Variants in PDCD6 observed in about 807,000 individuals in gnomAD.
The protein encoded by PDCD6 is programmed cell death protein 6.
Under a neutral mutation model 28.3 loss-of-function variants are expected in PDCD6, and 12 were observed. That is an observed-to-expected ratio of 0.42 (90% CI 0.27 to 0.69). The LOEUF (loss-of-function observed/expected upper bound fraction) is 0.69. Among genes scored for constraint, PDCD6 ranks in the 30% least tolerant of loss-of-function variants. The probability of loss-of-function intolerance (pLI) is 0.22; values close to 1 mark genes in which losing one functional copy is unlikely to be tolerated. For synonymous variants in PDCD6, 92 were observed against 108.0 expected, an observed-to-expected ratio of 0.85 and a Z score of 0.92; for missense variants, 226 against 269.9, an observed-to-expected ratio of 0.84 and a Z score of 1.14.
rs1468890202 is a variant in PDCD6, at chr5:305,241, G to A, written c.208+1020G>A. The A allele has an allele frequency of 6.6e-6, 1 of 152,140 alleles. No individual in the cohort carries two copies. Among genetic ancestry groups the A allele is most frequent in the Admixed American group, 6.5e-5 (1 of 15,276 alleles). The allele number at this position is 152,140 out of a possible 1,614,324, so 9.4% of individuals were successfully genotyped here. A position where few individuals can be genotyped will look rare whatever the true frequency, so the allele number is the denominator to read the frequency against. ...TCCCAGGTTCAGTTCTGCCTCACAG[G>A]GACCATGGCATTGTGTCTCGAGGTT... On this transcript the variant is annotated intron_variant, in intron 3 of 5. Transcript: ENST00000264933. The surrounding 1 kb of genome is among the most constrained non-coding windows in gnomAD (Gnocchi z 4.0).
chr5:280,131 C>A (rs1738474010), intron 2 of PDCD6, among the ~76,000 whole-genome samples: 2 of 151,604 alleles, frequency 1.3e-5, no homozygotes, highest in African/African-American at 4.8e-5. Context: ...GAGAGGACAC[C>A]ATGTGTTCAT....
chr5:302,070 CTGTG>C (rs369323059), intron 2 of PDCD6, among the ~76,000 whole-genome samples: 4,855 of 57,476 alleles, frequency 0.084, 546 homozygotes, highest in African/African-American at 0.25. Flanking sequence ...GAGTGCTGCT[CTGTG>C]TGTGTGTGTG....
chr5:271,846 C>A (rs561356594), intron 1 of PDCD6, 25 bp downstream of exon 1: 33 of 1,285,758 alleles, frequency 2.6e-5, no homozygotes, highest in Middle Eastern at 2.9e-4. Context: ...CGCCCGGGCA[C>A]CTCCCGCCTC....
chr5:307,352 CGT>C lies in PDCD6; in HGVS notation c.367+600_367+601del, dbSNP rs1319711898. 9.6e-6 allele frequency among the ~76,000 whole-genome samples: 1 copy of C among 103,698 alleles called. No individual in the cohort carries two copies. Among genetic ancestry groups the C allele is most frequent in the Non-Finnish European group, 2.0e-5 (1 of 50,062 alleles). 68.0% of individuals were successfully genotyped at this position (103,698 alleles called of 152,430 possible). A position where few individuals can be genotyped will look rare whatever the true frequency, so the allele number is the denominator to read the frequency against. ...GTGTGCTCGGCGTGTGTGTGCTCGGCGTGTGTGTGCACACGTGTGCCGTGCGC... is the reference window on the plus strand; with the variant it reads ...GTGTGCTCGGCGTGTGTGTGCTCGGCGTGTGTGCACACGTGTGCCGTGCGC... On this transcript the variant is annotated intron_variant, in intron 4 of 5. Transcript: ENST00000264933. This position sits in a 1 kb window ranked among gnomAD's most constrained non-coding sequence, Gnocchi z 6.1.
chr5:281,491 G>T (rs60381733), intron 2 of PDCD6, among the ~76,000 whole-genome samples: 1,721 of 152,320 alleles, frequency 0.011, 26 homozygotes, highest in African/African-American at 0.039. Flanking sequence ...TGGCTGTTCT[G>T]TGAGGGTCGT....
At chr5:303,754 G>A (rs1218603794) in intron 2 of PDCD6, among the ~76,000 whole-genome samples, 1 of 149,390 alleles carries the variant, frequency 6.7e-6, no homozygotes. Flanking sequence ...GCAGGCAGTG[G>A]TGGCCTTGAT....
At chr5:290,026 G>A in intron 2 of PDCD6, 1 of 1,597,750 alleles carries the variant, frequency 6.3e-7, no homozygotes, top group South Asian at 1.1e-5. Context: ...TCGCTGAATA[G>A]TAAAAGGGAT....
At chr5:298,081 A>G (rs1405779369) in intron 2 of PDCD6, among the ~76,000 whole-genome samples, 1 of 152,130 alleles carries the variant, frequency 6.6e-6, no homozygotes, top group Non-Finnish European at 1.5e-5. Flanking sequence ...TCTGCTATCG[A>G]TATCAGGGAG....
At chr5:300,912 C>G (rs931364668) in intron 2 of PDCD6, among the ~76,000 whole-genome samples, 3 of 152,190 alleles carry the variant, frequency 2.0e-5, no homozygotes, top group African/African-American at 7.2e-5. Flanking sequence ...CCTCCTGGGC[C>G]CCAGCTCTCA....
Position 305,823 on chromosome 5 carries a change from C to T in PDCD6, c.209-779C>T, listed in dbSNP as rs111462049. On this transcript the variant is annotated intron_variant, in intron 3 of 5. Transcript: ENST00000264933. This position sits in a 1 kb window ranked among gnomAD's most constrained non-coding sequence, Gnocchi z 4.0. Reference sequence around the variant, plus strand: ...GTTGTGGACTGTTGGGAAGAAACATCGATGCTGTTTCTCACATGATTTTTC... The same window carrying T: ...GTTGTGGACTGTTGGGAAGAAACATTGATGCTGTTTCTCACATGATTTTTC... 6.6e-6 allele frequency: 1 copy of T among 152,198 alleles called. No individual in the cohort carries two copies. Among genetic ancestry groups the T allele is most frequent in the Admixed American group, 6.5e-5 (1 of 15,276 alleles). 9.4% of individuals were successfully genotyped at this position (152,198 alleles called of 1,614,324 possible).
rs375248382 is a variant in PDCD6 at position 271,675 on chromosome 5, T to G, written c.-46T>G. 1.8e-6 allele frequency: 2 copies of G among 1,129,798 alleles called. No homozygotes were observed. The highest frequency in any genetic ancestry group is 2.6e-6 in the Non-Finnish European group (2 of 779,370). 70.0% of individuals were successfully genotyped at this position (1,129,798 alleles called of 1,614,324 possible). Reference sequence around the variant, plus strand: ...GCGGAAGCGGAGTCGGCCTGAGAGGTCTCTCGTCGCTGCAGGCGCCTCAGC... The same window carrying G: ...GCGGAAGCGGAGTCGGCCTGAGAGGGCTCTCGTCGCTGCAGGCGCCTCAGC... On this transcript the variant is annotated 5_prime_UTR_variant, in exon 1 of 6. Transcript: ENST00000264933.
At chr5:282,273 G>C (rs1216747804) in intron 2 of PDCD6, among the ~76,000 whole-genome samples, 5 of 52,474 alleles carry the variant, frequency 9.5e-5, no homozygotes, top group Non-Finnish European at 1.7e-4. Context: ...CGGAAAAATC[G>C]GGGGGGGGGG....
intron 2 of PDCD6, chr5:275,966 C>T (rs1738168841): frequency 7.8e-7 from 1 of 1,280,308 alleles, no homozygotes. Context: ...TGTCCTCCAC[C>T]CCTTTGCTTT....
chr5:275,428 CTG>C (rs1383292215), intron 2 of PDCD6, among the ~76,000 whole-genome samples: 1 of 152,250 alleles, frequency 6.6e-6, no homozygotes, highest in Non-Finnish European at 1.5e-5. Context: ...TTCTCAGAAA[CTG>C]TGGTGGCCGT....
rs577553940 is a variant in PDCD6 at position 272,217 on chromosome 5, C to T, written c.101+396C>T. 3.0e-5 allele frequency among the ~76,000 whole-genome samples: 4 copies of T among 134,986 alleles called. No homozygotes were observed. The South Asian group carries it at 9.3e-4, about 31-fold the overall frequency. 88.6% of individuals were successfully genotyped at this position (134,986 alleles called of 152,430 possible). A position where few individuals can be genotyped will look rare whatever the true frequency, so the allele number is the denominator to read the frequency against. On this transcript the variant is annotated intron_variant, in intron 1 of 5. Coordinates refer to ENST00000264933, the MANE Select transcript of PDCD6 (RefSeq NM_013232.4). The stretch of plus-strand genomic sequence containing the variant: ...CAAGAGCCGCCAGGTGGAGGGTCTC[C>T]AGGGTGCTTGTTTGGGGAAAGCGGA...
At chr5:301,490 C>T (rs1740044844) in intron 2 of PDCD6, among the ~76,000 whole-genome samples, 1 of 152,256 alleles carries the variant, frequency 6.6e-6, no homozygotes, top group African/African-American at 2.4e-5. Flanking sequence ...CCTCTATATA[C>T]ATATACCTGT....
intron 2 of PDCD6, chr5:276,955 C>T (rs1038822957): frequency 1.0e-6 from 1 of 984,686 alleles, no homozygotes; most frequent in African/African-American, 1.7e-5. Flanking sequence ...GAGTTTGATC[C>T]CTTTTCGGGT....
At chr5:278,895 G>T (rs1315866007) in intron 2 of PDCD6, among the ~76,000 whole-genome samples, 9 of 151,258 alleles carry the variant, frequency 6.0e-5, no homozygotes, top group Non-Finnish European at 8.8e-5. Context: ...CATGGGAGGG[G>T]CTAGGGATGC....
intron 2 of PDCD6, among the ~76,000 whole-genome samples, chr5:292,759 G>GACTTGGC: frequency 6.6e-6 from 1 of 152,334 alleles, no homozygotes; most frequent in African/African-American, 2.4e-5. Context: ...CTGCTGTGAG[G>GACTTGGC]ACTTGGCTCC....
Sources: gnomAD v4.1 joint callset for allele counts (sites outside exome capture counted in the v4.1 genomes callset) on GRCh38, gnomAD v4.1.1 for gene constraint, Gnocchi (gnomAD v3.1) non-coding constraint, MANE v1.5 for transcripts, NCBI Gene and HGNC (gene_info 2026-07-23, HGNC 2026-07-21) for gene names.